Variants in TOP6BL observed in about 807,000 individuals in gnomAD.
TOP6BL encodes TOP6B like initiator of meiotic double strand breaks.
chr11:66,745,640 C>G, the TOP6BL span, among the ~76,000 whole-genome samples: 1 of 152,154 alleles, frequency 6.6e-6, no homozygotes, highest in African/African-American at 2.4e-5. Context: ...GAGAGAGTAC[C>G]CCCGGGCGTC....
the TOP6BL span, among the ~76,000 whole-genome samples, chr11:66,762,765 G>GTTT: frequency 6.6e-6 from 1 of 152,252 alleles, no homozygotes. Flanking sequence ...CACCGCGCCC[G>GTTT]GCCAATACCT....
the TOP6BL span, among the ~76,000 whole-genome samples, chr11:66,746,150 T>C: frequency 1.3e-5 from 2 of 152,154 alleles, no homozygotes; most frequent in South Asian, 4.1e-4. Context: ...AAGGAATAGT[T>C]AGACTCTACA....
At chr11:66,783,243 G>A in the TOP6BL span, among the ~76,000 whole-genome samples, 1 of 152,174 alleles carries the variant, frequency 6.6e-6, no homozygotes, top group Non-Finnish European at 1.5e-5. Flanking sequence ...TACACCTGTA[G>A]TTCTAGTGAG....
At chr11:66,821,248 A>ATTAGTAAACAAGTGTC in the TOP6BL span, among the ~76,000 whole-genome samples, 1 of 151,246 alleles carries the variant, frequency 6.6e-6, no homozygotes, top group Non-Finnish European at 1.5e-5. Context: ...TCATCAGTGT[A>ATTAGTAAACAAGTGTC]TTAGTAAACA....
At chr11:66,798,335 CA>C in the TOP6BL span, among the ~76,000 whole-genome samples, 1 of 152,066 alleles carries the variant, frequency 6.6e-6, no homozygotes, top group African/African-American at 2.4e-5. Flanking sequence ...TGTGGTGGCT[CA>C]CACCTGTAAT....
At chr11:66,763,379 C>T in the TOP6BL span, among the ~76,000 whole-genome samples, 2 of 152,044 alleles carry the variant, frequency 1.3e-5, no homozygotes, top group African/African-American at 4.8e-5. Context: ...TTAGGTTCTA[C>T]TTGGTGTGAG....
chr11:66,821,388 C>A, the TOP6BL span, among the ~76,000 whole-genome samples: 1 of 151,404 alleles, frequency 6.6e-6, no homozygotes, highest in Non-Finnish European at 1.5e-5. Context: ...CCCGGGTTCA[C>A]GCCATTCTCC....
the TOP6BL span, chr11:66,761,730 C>T: frequency 2.5e-6 from 2 of 786,704 alleles, no homozygotes; most frequent in South Asian, 1.4e-5. Context: ...AAGGCCCAGT[C>T]CAGGGAATCT....
the TOP6BL span, among the ~76,000 whole-genome samples, chr11:66,826,078 C>T: frequency 4.6e-5 from 7 of 152,190 alleles, no homozygotes; most frequent in Admixed American, 3.9e-4. Context: ...CTCCTGACCT[C>T]GGGATCCGCC....
At chr11:66,756,501 T>G in the TOP6BL span, 1 of 1,060,190 alleles carries the variant, frequency 9.4e-7, no homozygotes, top group East Asian at 1.0e-4. Context: ...CCTGGCTAAT[T>G]ATGGGTGAGG....
At chr11:66,791,532 C>T in the TOP6BL span, among the ~76,000 whole-genome samples, 1 of 152,054 alleles carries the variant, frequency 6.6e-6, no homozygotes, top group Non-Finnish European at 1.5e-5. Flanking sequence ...GAGAGACAGA[C>T]TTTCTTCTAG....
the TOP6BL span, among the ~76,000 whole-genome samples, chr11:66,830,470 C>T: frequency 6.6e-6 from 1 of 151,974 alleles, no homozygotes; most frequent in Non-Finnish European, 1.5e-5. Flanking sequence ...AGATCACTTT[C>T]CAACTGAAAC....
the TOP6BL span, among the ~76,000 whole-genome samples, chr11:66,815,299 G>A: frequency 6.6e-6 from 1 of 152,134 alleles, no homozygotes; most frequent in African/African-American, 2.4e-5. Context: ...AATAACGTAG[G>A]AAATGTCCTC....
chr11:66,775,112 CAA>C, the TOP6BL span, among the ~76,000 whole-genome samples: 6 of 58,000 alleles, frequency 1.0e-4, no homozygotes, highest in African/African-American at 2.5e-4. Flanking sequence ...GACTCTGTCT[CAA>C]AAAAAAAAAA....
At chr11:66,816,408 G>A in the TOP6BL span, among the ~76,000 whole-genome samples, 1 of 152,134 alleles carries the variant, frequency 6.6e-6, no homozygotes, top group South Asian at 2.1e-4. Context: ...TAGTCTGGTT[G>A]GCCAGAAATC....
chr11:66,775,727 A>G, the TOP6BL span, among the ~76,000 whole-genome samples: 1 of 152,014 alleles, frequency 6.6e-6, no homozygotes, highest in Non-Finnish European at 1.5e-5. Context: ...AGATAATTTG[A>G]TATTGCTGTT....
chr11:66,836,841 CA>C, the TOP6BL span, among the ~76,000 whole-genome samples: 1 of 150,460 alleles, frequency 6.6e-6, no homozygotes. Flanking sequence ...GCTGGGATTA[CA>C]GGTGTGCGCC....
At chr11:66,816,044 G>T in the TOP6BL span, 1 of 1,587,904 alleles carries the variant, frequency 6.3e-7, no homozygotes. Flanking sequence ...GTAATATCTT[G>T]TCCTCTAGAT....
the TOP6BL span, among the ~76,000 whole-genome samples, chr11:66,769,498 A>G: frequency 1.3e-5 from 2 of 151,972 alleles, no homozygotes; most frequent in African/African-American, 2.4e-5. Flanking sequence ...AAACTCAGAA[A>G]AAAAAGGTGA....
Sources: gnomAD v4.1 joint callset for allele counts (sites outside exome capture counted in the v4.1 genomes callset) on GRCh38, gnomAD v4.1.1 for gene constraint, MANE v1.5 for transcripts, NCBI Gene and HGNC (gene_info 2026-07-23, HGNC 2026-07-21) for gene names.